FRMD6: variants seen among roughly 807,000 people sequenced by gnomAD.
FRMD6 encodes FERM domain containing 6, also known as FERM domain-containing protein 6.
Under a neutral mutation model 73.2 loss-of-function variants are expected in FRMD6, and 37 were observed. The observed-to-expected ratio is 0.51, with a 90% CI of 0.39 to 0.66. The LOEUF is 0.66. FRMD6 is among the 30% of genes least tolerant of loss of function. FRMD6 has a pLI of 0.00. For synonymous variants in FRMD6, 273 were observed against 282.2 expected, an observed-to-expected ratio of 0.97 and a Z score of 0.33; for missense variants, 714 against 780.5, an observed-to-expected ratio of 0.91 and a Z score of 1.02.
At chr14:51,585,837 A>G (rs765188573) in intron 2 of FRMD6, among the ~76,000 whole-genome samples, 4 of 149,104 alleles carry the variant, frequency 2.7e-5, no homozygotes, top group African/African-American at 4.9e-5. Flanking sequence ...GAGTCATTTC[A>G]CTTAGGATAA....
chr14:51,497,957 C>G lies in FRMD6; in HGVS notation c.-210+8537C>G, dbSNP rs111875355. On this transcript the variant is annotated intron_variant, in intron 1 of 14. Transcript: ENST00000356218. Reference sequence around the variant, plus strand: ...TAATACAGGATTTCATAGCCACACTCTAGATTAATCTTTACCCTGAAACCA... The same window carrying G: ...TAATACAGGATTTCATAGCCACACTGTAGATTAATCTTTACCCTGAAACCA... Among the ~76,000 whole-genome samples the G allele has an allele frequency of 2.2e-3, 342 of 152,306 alleles. 1 individual carries two copies. Among genetic ancestry groups the G allele is most frequent in the African/African-American group, 7.9e-3 (328 of 41,584 alleles).
At chr14:51,484,415 C>T (rs890518018), upstream of FRMD6, among the ~76,000 whole-genome samples, 3 of 152,132 alleles carry the variant, frequency 2.0e-5, no homozygotes, top group Non-Finnish European at 4.4e-5. Context: ...TCAACAGTCA[C>T]CCAGTGGAGA....
At chr14:51,634,835 T>C (rs1293809153) in intron 2 of FRMD6, among the ~76,000 whole-genome samples, 1 of 152,200 alleles carries the variant, frequency 6.6e-6, no homozygotes, top group Non-Finnish European at 1.5e-5. Flanking sequence ...GCTTCAGTTT[T>C]TTCATCTATA....
the FRMD6 span, among the ~76,000 whole-genome samples, chr14:51,427,039 A>G: frequency 6.6e-6 from 1 of 152,204 alleles, no homozygotes; most frequent in Admixed American, 6.5e-5. Flanking sequence ...TCCTCATCAG[A>G]TATGAGAGTC....
chr14:51,577,120 G>C (rs78125396), intron 2 of FRMD6, among the ~76,000 whole-genome samples: 2 of 152,114 alleles, frequency 1.3e-5, no homozygotes, highest in African/African-American at 4.8e-5. Context: ...GTTTCAGCAC[G>C]TTCTTTGTTT....
At chr14:51,693,844 C>T (rs900636513) in intron 2 of FRMD6, among the ~76,000 whole-genome samples, 3 of 152,088 alleles carry the variant, frequency 2.0e-5, no homozygotes, top group Non-Finnish European at 2.9e-5. Flanking sequence ...AGCGGTTGGA[C>T]CAAAGAAGGG....
chr14:51,552,197 G>A (rs1886877420), intron 1 of FRMD6, among the ~76,000 whole-genome samples: 1 of 152,194 alleles, frequency 6.6e-6, no homozygotes, highest in African/African-American at 2.4e-5. Context: ...TGGAAAAAAA[G>A]CCTCATTTAA....
chr14:51,670,551 G>A (rs1893931043), intron 1 of FRMD6, among the ~76,000 whole-genome samples: 1 of 151,864 alleles, frequency 6.6e-6, no homozygotes, highest in African/African-American at 2.4e-5. Context: ...TTTGGTTGTA[G>A]TTGCATTGAA....
At chr14:51,492,230 G>A (rs1883049209) in intron 1 of FRMD6, among the ~76,000 whole-genome samples, 1 of 152,126 alleles carries the variant, frequency 6.6e-6, no homozygotes, top group African/African-American at 2.4e-5. Flanking sequence ...TCTTGGGATG[G>A]ACTCCTAGTA....
At chr14:51,475,525 A>G in the FRMD6 span, among the ~76,000 whole-genome samples, 1 of 152,260 alleles carries the variant, frequency 6.6e-6, no homozygotes, top group Non-Finnish European at 1.5e-5. Context: ...TCCTCTCTAC[A>G]TACAGCATGA....
At position 51,526,018 on chromosome 14, in the gene FRMD6, C is replaced by T. The variant is rs545540794; in HGVS notation, c.-210+36598C>T. Among the ~76,000 whole-genome samples, 116 of 152,242 alleles carry T rather than the reference C, an allele frequency of 7.6e-4. 1 individual carries two copies. The South Asian group carries it at 0.023, about 30-fold the overall frequency. On this transcript the variant is annotated intron_variant, in intron 1 of 14. Transcript: ENST00000356218. Reference sequence around the variant, plus strand: ...AGGAGGCTAAGGAGTGACATCTATTCTGGGACACTGGAGAACAATACCAGT... The same window carrying T: ...AGGAGGCTAAGGAGTGACATCTATTTTGGGACACTGGAGAACAATACCAGT...
chr14:51,456,312 C>G, the FRMD6 span, among the ~76,000 whole-genome samples: 4 of 152,152 alleles, frequency 2.6e-5, no homozygotes, highest in Non-Finnish European at 2.9e-5. Context: ...GCCCCTCGCC[C>G]CCTGACAGGC....
At chr14:51,626,573 C>T (rs1264469802) in intron 2 of FRMD6, among the ~76,000 whole-genome samples, 2 of 152,100 alleles carry the variant, frequency 1.3e-5, no homozygotes, top group African/African-American at 4.8e-5. Context: ...AAATACAGTG[C>T]CTTCTATATA....
the FRMD6 span, among the ~76,000 whole-genome samples, chr14:51,422,999 C>CT: frequency 6.6e-6 from 1 of 152,200 alleles, no homozygotes; most frequent in Admixed American, 6.5e-5. Context: ...CGCATCTTTC[C>CT]TTTTCCACCA....
chr14:51,717,939 TCCTAG>T (rs1897324400), intron 10 of FRMD6, among the ~76,000 whole-genome samples: 1 of 152,204 alleles, frequency 6.6e-6, no homozygotes, highest in African/African-American at 2.4e-5. Flanking sequence ...TGGAGCTTAT[TCCTAG>T]GATAAGTATT....
chr14:51,678,953 A>G (rs1003454081), intron 1 of FRMD6, among the ~76,000 whole-genome samples: 1 of 152,162 alleles, frequency 6.6e-6, no homozygotes, highest in Non-Finnish European at 1.5e-5. Flanking sequence ...TGAGGAAAAG[A>G]ACTGCAGTAA....
chr14:51,464,500 A>T, the FRMD6 span, among the ~76,000 whole-genome samples: 1 of 152,094 alleles, frequency 6.6e-6, no homozygotes, highest in Non-Finnish European at 1.5e-5. Flanking sequence ...AAGCCAACTA[A>T]CTCGTGCAGG....
intron 3 of FRMD6, 83 bp downstream of exon 3, chr14:51,698,315 C>T: frequency 1.2e-6 from 1 of 853,820 alleles, no homozygotes; most frequent in South Asian, 1.8e-5. Flanking sequence ...TAAATTGGGC[C>T]TATTGTTATA....
intron 1 of FRMD6, among the ~76,000 whole-genome samples, chr14:51,662,631 A>G (rs897848023): frequency 1.3e-5 from 2 of 152,222 alleles, no homozygotes; most frequent in Admixed American, 6.5e-5. Context: ...TCCTTATACC[A>G]TATACAAAAA....
Sources: allele counts gnomAD v4.1 joint callset (sites outside exome capture counted in the v4.1 genomes callset), GRCh38; gene constraint gnomAD v4.1.1; transcripts MANE v1.5; gene names NCBI Gene and HGNC (gene_info 2026-07-23, HGNC 2026-07-21).